PPM1L: variants seen among roughly 807,000 people sequenced by gnomAD.
PPM1L encodes the protein protein phosphatase 1L.
A neutral mutation model predicts 31.4 loss-of-function variants in PPM1L; 13 were observed. The observed-to-expected ratio is 0.41, with a 90% CI of 0.27 to 0.66. The LOEUF is 0.66. PPM1L is among the 30% of genes least tolerant of loss of function. The pLI is 0.29. For synonymous variants in PPM1L, 184 were observed against 175.4 expected (o/e 1.05, Z -0.39); for missense variants, 326 against 453.7 (o/e 0.72, Z 2.56).
intron 1 of PPM1L, among the ~76,000 whole-genome samples, chr3:160,801,989 C>G (rs370407900): frequency 1.4e-4 from 22 of 152,248 alleles, no homozygotes; most frequent in African/African-American, 5.1e-4. Context: ...GCAACAGCTC[C>G]CCACACCCAA....
chr3:160,787,463 T>G (rs1023701858), intron 1 of PPM1L, among the ~76,000 whole-genome samples: 2 of 152,174 alleles, frequency 1.3e-5, no homozygotes, highest in Non-Finnish European at 2.9e-5. Context: ...TTTGCCTAAT[T>G]TATTTAAGTT....
intron 2 of PPM1L, chr3:161,022,187 G>A: frequency 3.0e-6 from 2 of 670,624 alleles, no homozygotes; most frequent in Non-Finnish European, 2.7e-6. Flanking sequence ...GAGACTGCAA[G>A]TAACACCTTA....
At chr3:160,881,176 T>C (rs533728066) in intron 1 of PPM1L, among the ~76,000 whole-genome samples, 1 of 152,342 alleles carries the variant, frequency 6.6e-6, no homozygotes, top group Admixed American at 6.5e-5. Context: ...TACTGTACTA[T>C]TATGCTGCAA....
chr3:160,812,050 C>T (rs1712826056), intron 1 of PPM1L, among the ~76,000 whole-genome samples: 1 of 152,164 alleles, frequency 6.6e-6, no homozygotes, highest in South Asian at 2.1e-4. Flanking sequence ...CTGGCTTCTG[C>T]TTCAGATTTT....
intron 2 of PPM1L, among the ~76,000 whole-genome samples, chr3:161,030,977 G>C (rs1426940152): frequency 6.6e-6 from 1 of 152,148 alleles, no homozygotes; most frequent in African/African-American, 2.4e-5. Flanking sequence ...AAATGGACTT[G>C]ATCTCAAAAA....
chr3:160,987,378 C>G (rs1716998607), intron 2 of PPM1L, among the ~76,000 whole-genome samples: 1 of 152,122 alleles, frequency 6.6e-6, no homozygotes, highest in Admixed American at 6.5e-5. Context: ...TAGCTTTCCC[C>G]CCAACAGGCC....
chr3:160,861,281 T>C (rs1253731049), intron 1 of PPM1L, among the ~76,000 whole-genome samples: 1 of 152,168 alleles, frequency 6.6e-6, no homozygotes, highest in African/African-American at 2.4e-5. Flanking sequence ...GGGCAGAATA[T>C]AGTGTAATGT....
At chr3:160,885,950 C>A (rs957455384) in intron 1 of PPM1L, among the ~76,000 whole-genome samples, 1 of 152,220 alleles carries the variant, frequency 6.6e-6, no homozygotes, top group Non-Finnish European at 1.5e-5. Context: ...AACACACTAA[C>A]CTCCCTGGGT....
At chr3:160,770,477 T>C (rs1380824281) in intron 1 of PPM1L, among the ~76,000 whole-genome samples, 1 of 152,204 alleles carries the variant, frequency 6.6e-6, no homozygotes, top group Non-Finnish European at 1.5e-5. Flanking sequence ...ATTTAAAGTA[T>C]AGTAATATAG....
At chr3:160,799,939 T>A (rs1458315322) in intron 1 of PPM1L, among the ~76,000 whole-genome samples, 2 of 152,204 alleles carry the variant, frequency 1.3e-5, no homozygotes, top group Non-Finnish European at 2.9e-5. Flanking sequence ...TATGTAAGTC[T>A]CACAAGGATA....
At chr3:160,946,364 A>G (rs1559898279) in intron 1 of PPM1L, among the ~76,000 whole-genome samples, 1 of 152,182 alleles carries the variant, frequency 6.6e-6, no homozygotes, top group East Asian at 1.9e-4. Context: ...TAAAATACCA[A>G]GCACAGTACC....
intron 1 of PPM1L, among the ~76,000 whole-genome samples, chr3:160,913,643 G>A (rs1018570250): frequency 2.0e-5 from 3 of 152,120 alleles, no homozygotes; most frequent in Non-Finnish European, 4.4e-5. Context: ...ATATTAATGA[G>A]ATCGTATAAT....
At chr3:160,785,805 T>G (rs1711894159) in intron 1 of PPM1L, among the ~76,000 whole-genome samples, 1 of 152,008 alleles carries the variant, frequency 6.6e-6, no homozygotes, top group Admixed American at 6.6e-5. Context: ...TTCCCTTCAT[T>G]TTGTTCTTAC....
chr3:161,071,597 C>T lies in PPM1L; in HGVS notation c.*2440C>T, dbSNP rs561697449. 1 of 152,194 alleles carries T rather than the reference C, an allele frequency of 6.6e-6. No individual in the cohort carries two copies. Among genetic ancestry groups the T allele is most frequent in the Non-Finnish European group, 1.5e-5 (1 of 68,040 alleles). 9.4% of individuals were successfully genotyped at this position (152,194 alleles called of 1,614,324 possible). ...CCTACTCCCATTACTGCCTCTTTCC[C>T]CCCTACTATGGCTTGTAGATTTTCA... On this transcript the variant is annotated 3_prime_UTR_variant, in exon 4 of 4. Transcript: ENST00000498165.
intron 1 of PPM1L, among the ~76,000 whole-genome samples, chr3:160,853,103 G>C (rs1576671310): frequency 6.6e-6 from 1 of 152,234 alleles, no homozygotes; most frequent in Non-Finnish European, 1.5e-5. Context: ...GCCAGTCTCT[G>C]CCTCTGTGGT....
At chr3:161,010,304 C>T (rs1179928700) in intron 2 of PPM1L, among the ~76,000 whole-genome samples, 5 of 152,142 alleles carry the variant, frequency 3.3e-5, no homozygotes, top group African/African-American at 4.8e-5. Flanking sequence ...TTTCCAGCTT[C>T]ATTCATGTCC....
At chr3:160,789,276 G>T (rs1183740229) in intron 1 of PPM1L, among the ~76,000 whole-genome samples, 2 of 151,878 alleles carry the variant, frequency 1.3e-5, no homozygotes, top group East Asian at 3.9e-4. Context: ...TTTCTAATTG[G>T]TTATTTTTAC....
chr3:160,802,532 G>A (rs1214628999), intron 1 of PPM1L, among the ~76,000 whole-genome samples: 1 of 152,172 alleles, frequency 6.6e-6, no homozygotes, highest in Admixed American at 6.5e-5. Flanking sequence ...GCGCCGGGCT[G>A]GGTACTTCAT....
chr3:160,848,688 A>C (rs1308146911), intron 1 of PPM1L, among the ~76,000 whole-genome samples: 2 of 152,080 alleles, frequency 1.3e-5, no homozygotes, highest in Non-Finnish European at 2.9e-5. Flanking sequence ...TCTTGTGTGA[A>C]TATTCTTCTC....
Sources: allele counts gnomAD v4.1 joint callset (sites outside exome capture counted in the v4.1 genomes callset), GRCh38; gene constraint gnomAD v4.1.1; transcripts MANE v1.5; gene names NCBI Gene and HGNC (gene_info 2026-07-23, HGNC 2026-07-21).